MFSD2B: variants seen among roughly 807,000 people sequenced by gnomAD.
The protein encoded by MFSD2B is sphingosine-1-phosphate transporter MFSD2B.
Under a neutral mutation model 58.4 loss-of-function variants are expected in MFSD2B, and 56 were observed. The ratio of observed to expected loss-of-function variants is 0.96; its 90% CI spans 0.77 to 1.20. The LOEUF (loss-of-function observed/expected upper bound fraction) is 1.20, where lower values mean the gene tolerates loss of function less well. Among genes scored for constraint, MFSD2B ranks in the 50% most tolerant of loss-of-function variants. The pLI is 0.00. For missense variants in MFSD2B, 645 were observed against 667.6 expected (o/e 0.97, Z 0.37); for synonymous variants, 287 against 294.4 (o/e 0.97, Z 0.26).
chr2:24,025,358 C>G (rs868228095), intron 13 of MFSD2B, 74 bp from the exon 14 acceptor site: 1 of 1,407,854 alleles, frequency 7.1e-7, no homozygotes, highest in Non-Finnish European at 9.7e-7. Flanking sequence ...CCAAACCTTC[C>G]GCGGGCTTCT....
In MFSD2B at chr2:24,013,307, C is replaced by T. The variant is rs546623701; in HGVS notation, c.119C>T (p.Ser40Leu). ...GREDSRAGRL[S>L]FCTKVCYGIG... is the part of the protein sequence containing the mutation. ...CAGGACAGCAGAGCCGGTCGCCTCT[C>T]ATTCTGTACAAAGGTGTGCTATGGC... Residue 40 changes from serine to leucine, a missense_variant, in exon 2 of 14, where the codon TCA becomes TTA. Physicochemically the swap from Ser to Leu is moderately radical, Grantham distance 145. Transcript: ENST00000338315. 1 of 1,608,056 alleles carries T rather than the reference C, an allele frequency of 6.2e-7. No homozygotes were observed. Among genetic ancestry groups the T allele is most frequent in the Admixed American group, 1.7e-5 (1 of 59,872 alleles).
rs1708981195 is a variant in MFSD2B, at chr2:24,012,174, ACACAC to A, written c.97-1110_97-1106del. Among the ~76,000 whole-genome samples the A allele has an allele frequency of 8.5e-4, 38 of 44,546 alleles. 2 individuals carry two copies. In the South Asian group the frequency reaches 0.027, roughly 32 times the overall value. 29.2% of individuals were successfully genotyped at this position (44,546 alleles called of 152,430 possible). A position where few individuals can be genotyped will look rare whatever the true frequency, so the allele number is the denominator to read the frequency against. On this transcript the variant is annotated intron_variant, in intron 1 of 13. Transcript: ENST00000338315. This position sits in a 1 kb window ranked among gnomAD's most constrained non-coding sequence, Gnocchi z 4.5. ...AAAACACACACACACACACACACAC[ACACAC>A]AAAAACAGACAAAAAAACCCTGCAA...
rs1282668963 is a variant in MFSD2B, at chr2:24,025,593, C to T, written c.*137C>T. The T allele has an allele frequency of 1.2e-5, 10 of 800,958 alleles. No homozygotes were observed. Among genetic ancestry groups the T allele is most frequent in the East Asian group, 5.4e-5 (2 of 37,248 alleles). The allele number at this position is 800,958 out of a possible 1,614,324, so 49.6% of individuals were successfully genotyped here. Reference sequence around the variant, plus strand: ...CCCTGGGATGTGGAGTCTTCGGCAACGTGTCCTGAAGGGACTGGCCCGCAC... The same window carrying T: ...CCCTGGGATGTGGAGTCTTCGGCAATGTGTCCTGAAGGGACTGGCCCGCAC... On this transcript the variant is annotated 3_prime_UTR_variant, in exon 14 of 14. Transcript: ENST00000338315.
chr2:24,023,331 G>GT lies in MFSD2B; in HGVS notation c.1169+93dup. 8.7e-7 allele frequency: 1 copy of GT among 1,150,032 alleles called. No homozygotes were observed. The highest frequency in any genetic ancestry group is 1.3e-6 in the Non-Finnish European group (1 of 776,670). 71.2% of individuals were successfully genotyped at this position (1,150,032 alleles called of 1,614,324 possible). A position where few individuals can be genotyped will look rare whatever the true frequency, so the allele number is the denominator to read the frequency against. On this transcript the variant is annotated intron_variant, in intron 11 of 13. Transcript: ENST00000338315. The surrounding 1 kb of genome is among the most constrained non-coding windows in gnomAD (Gnocchi z 5.0). ...GTCCCAGGCCCCCTGCACCCAGCCT[G>GT]TGCAGGAGATGGAGGCCACCAGCTC...
At position 24,017,108 on chromosome 2, in the gene MFSD2B, C is replaced by A; in HGVS notation, c.471+140C>A. The stretch of plus-strand genomic sequence containing the variant: ...GACCATGCCATTGGCACTCGCCAGC[C>A]TTGCGCGGGACTGGCTGCCCCCTCC... On this transcript the variant is annotated intron_variant, in intron 4 of 13. Transcript: ENST00000338315. This position sits in a 1 kb window ranked among gnomAD's most constrained non-coding sequence, Gnocchi z 4.8. 7.2e-7 allele frequency: 1 copy of A among 1,391,746 alleles called. No homozygotes were observed. Among genetic ancestry groups the A allele is most frequent in the Non-Finnish European group, 9.8e-7 (1 of 1,020,046 alleles). 86.2% of individuals were successfully genotyped at this position (1,391,746 alleles called of 1,614,324 possible). A position where few individuals can be genotyped will look rare whatever the true frequency, so the allele number is the denominator to read the frequency against.
chr2:24,016,918 C>A lies in MFSD2B; in HGVS notation c.421C>A (p.Arg141=). ...GTTCCTGCCCCCCTTCACCAGCCTG[C>A]GAGGCCTCTGGTACACGACTTTCTA... ...LWFLPPFTSL[R]GLWYTTFYCL... Residue 141 remains arginine (R), a synonymous_variant, in exon 4 of 14, where the codon CGA becomes AGA. Coordinates refer to ENST00000338315, the MANE Select transcript of MFSD2B (RefSeq NM_001346880.2). 6.2e-7 allele frequency: 1 copy of A among 1,613,910 alleles called. No individual in the cohort carries two copies. Among genetic ancestry groups the A allele is most frequent in the East Asian group, 2.2e-5 (1 of 44,860 alleles).
In MFSD2B at chr2:24,023,221, T is replaced by C; in HGVS notation, c.1151T>C (p.Val384Ala). The change falls in exon 11 of 14, where the codon GTG becomes GCG. Residue 384 changes from valine to alanine, a missense_variant. Coordinates refer to ENST00000338315, the MANE Select transcript of MFSD2B (RefSeq NM_001346880.2). The surrounding 1 kb of genome is among the most constrained non-coding windows in gnomAD (Gnocchi z 5.0). The part of the protein sequence containing the change: ...VAFVSGVSIA[V>A]SLLLPWSMLP... ...TTTGTATCTGGCGTGAGCATTGCTG[T>C]GTCCTTGCTGCTACCCTGGTAGGCT... 3 of 1,613,496 alleles carry C rather than the reference T, an allele frequency of 1.9e-6. No individual in the cohort carries two copies. The highest frequency in any genetic ancestry group is 2.5e-6 in the Non-Finnish European group (3 of 1,179,718).
intron 2 of MFSD2B, among the ~76,000 whole-genome samples, chr2:24,014,434 G>A (rs1357428349): frequency 2.0e-5 from 3 of 152,168 alleles, no homozygotes; most frequent in Admixed American, 6.5e-5. Context: ...GATTACAGGC[G>A]TGAGCCACCG....
chr2:24,016,021 T>G (rs771407901), intron 2 of MFSD2B, 135 bp from the exon 3 acceptor site: 226 of 1,102,430 alleles, frequency 2.1e-4, no homozygotes, highest in Non-Finnish European at 2.2e-4. Context: ...TGGGGAAGGC[T>G]GAGGAGCCCT....
At position 24,017,540 on chromosome 2, in the gene MFSD2B, G is replaced by A. The variant is rs1272098970; in HGVS notation, c.633G>A (p.Arg211=). 12 of 1,573,690 alleles carry A rather than the reference G, an allele frequency of 7.6e-6. No homozygotes were observed. Among genetic ancestry groups the A allele is most frequent in the Admixed American group, 1.8e-5 (1 of 54,216 alleles). ...TGTCCGGCGCCCACAGACCCCACAG[G>A]TGCGAGGCCACTGCGACCCCGGGGC... ...LIVSGAHRPH[R]CEATATPGPV... The change falls in exon 6 of 14, where the codon AGG becomes AGA. Residue 211 remains arginine (R), a synonymous_variant. Coordinates refer to ENST00000338315, the MANE Select transcript of MFSD2B (RefSeq NM_001346880.2). This position sits in a 1 kb window ranked among gnomAD's most constrained non-coding sequence, Gnocchi z 4.8.
chr2:24,013,838 C>CTTTTT (rs758336674), intron 2 of MFSD2B, among the ~76,000 whole-genome samples: 5 of 110,626 alleles, frequency 4.5e-5, no homozygotes, highest in Non-Finnish European at 5.6e-5. Flanking sequence ...CAAGACGATT[C>CTTTTT]TTTTTTTTTT....
rs1245469765 is a variant in MFSD2B at position 24,021,768 on chromosome 2, AGCTGGGGGCAGGGCTCT to A, written c.772+34_772+50del. The A allele has an allele frequency of 6.2e-7, 1 of 1,612,792 alleles. No homozygotes were observed. On this transcript the variant is annotated intron_variant, in intron 7 of 13. Coordinates refer to ENST00000338315, the MANE Select transcript of MFSD2B (RefSeq NM_001346880.2). This position sits in a 1 kb window ranked among gnomAD's most constrained non-coding sequence, Gnocchi z 5.7. ...GGGGTTTGGTGAGGAGGGAAGCAGA[AGCTGGGGGCAGGGCTCT>A]GCTTGGGGGCAGGTTTTGCTTTTGA...
chr2:24,018,864 T>C (rs1219678340), intron 6 of MFSD2B: 1 of 152,276 alleles, frequency 6.6e-6, no homozygotes, highest in Non-Finnish European at 1.5e-5. Flanking sequence ...TTTTTTTTTT[T>C]TTTTGAGACG....
intron 2 of MFSD2B, among the ~76,000 whole-genome samples, chr2:24,013,701 G>A (rs1709037080): frequency 6.6e-6 from 1 of 151,918 alleles, no homozygotes; most frequent in Admixed American, 6.6e-5. Context: ...CGGCGGGACG[G>A]CTTTGAATGC....
intron 1 of MFSD2B, 22 bp from the exon 2 acceptor site, chr2:24,013,263 T>G: frequency 6.3e-7 from 1 of 1,582,600 alleles, no homozygotes; most frequent in East Asian, 2.3e-5. Flanking sequence ...GGAGAAGGGC[T>G]TAGTTCCTGT....
rs1401778611 is a variant in MFSD2B at position 24,020,325 on chromosome 2, T to C, written c.682-1323T>C. Among the ~76,000 whole-genome samples, 1 of 152,036 alleles carries C rather than the reference T, an allele frequency of 6.6e-6. No individual in the cohort carries two copies. Among genetic ancestry groups the C allele is most frequent in the African/African-American group, 2.4e-5 (1 of 41,400 alleles). ...TACAAAATTGAAATCCATTATAAAA[T>C]TATTAAGAATCTCAAGACAGCAACA... is the stretch of plus-strand genomic sequence containing the variant. On this transcript the variant is annotated intron_variant, in intron 6 of 13. Coordinates refer to ENST00000338315, the MANE Select transcript of MFSD2B (RefSeq NM_001346880.2). The surrounding 1 kb of genome is among the most constrained non-coding windows in gnomAD (Gnocchi z 4.1).
Position 24,023,790 on chromosome 2 carries a change from C to A in MFSD2B, c.1313+64C>A. 2.5e-6 allele frequency: 4 copies of A among 1,577,150 alleles called. No homozygotes were observed. In the Admixed American group the frequency reaches 6.9e-5, roughly 27 times the overall value. On this transcript the variant is annotated intron_variant, in intron 12 of 13. Coordinates refer to ENST00000338315, the MANE Select transcript of MFSD2B (RefSeq NM_001346880.2). The surrounding 1 kb of genome is among the most constrained non-coding windows in gnomAD (Gnocchi z 5.0). ...ACCAGTGGGCAGGAAGAGGGCAAAG[C>A]CCCTCACCTACCAAGCTCAGGGCAT...
Position 24,013,422 on chromosome 2 carries a change from C to T in MFSD2B, c.222+12C>T, listed in dbSNP as rs1180711842. On this transcript the variant is annotated intron_variant, in intron 2 of 13. Transcript: ENST00000338315. Reference sequence around the variant, plus strand: ...TTGATATAGCACAGGTAAGTGTGGGCAGTAGCCCAGTCTCTGCTGGCATCT... The same window carrying T: ...TTGATATAGCACAGGTAAGTGTGGGTAGTAGCCCAGTCTCTGCTGGCATCT... The T allele has an allele frequency of 1.9e-6, 3 of 1,589,230 alleles. No homozygotes were observed. The highest frequency in any genetic ancestry group is 2.6e-6 in the Non-Finnish European group (3 of 1,164,246).
rs1662829989 is a variant in MFSD2B, at chr2:24,022,535, G to A, written c.978+19G>A. The A allele has an allele frequency of 8.1e-6, 13 of 1,601,710 alleles. No homozygotes were observed. In the South Asian group the frequency reaches 1.1e-4, roughly 14 times the overall value. ...TGTCCTGGTGAGGGGGCCTGGGGTGGTGGAGGCTAGGTCACTTGGGGCCCT... is the reference window on the plus strand; with the variant it reads ...TGTCCTGGTGAGGGGGCCTGGGGTGATGGAGGCTAGGTCACTTGGGGCCCT... On this transcript the variant is annotated intron_variant, in intron 9 of 13. Coordinates refer to ENST00000338315, the MANE Select transcript of MFSD2B (RefSeq NM_001346880.2). This position sits in a 1 kb window ranked among gnomAD's most constrained non-coding sequence, Gnocchi z 4.5.
Sources: gnomAD v4.1 joint callset for allele counts (sites outside exome capture counted in the v4.1 genomes callset) on GRCh38, gnomAD v4.1.1 for gene constraint, Gnocchi (gnomAD v3.1) non-coding constraint, MANE v1.5 for transcripts, NCBI Gene and HGNC (gene_info 2026-07-23, HGNC 2026-07-21) for gene names.